IL17REL: variants seen among roughly 807,000 people sequenced by gnomAD.
The protein encoded by IL17REL is interleukin 17 receptor E like.
IL17REL carries 36 observed loss-of-function variants against 49.0 expected under a neutral mutation model. The ratio of observed to expected loss-of-function variants is 0.73; its 90% CI spans 0.56 to 0.97. The LOEUF (loss-of-function observed/expected upper bound fraction) is 0.97, where lower values mean the gene tolerates loss of function less well. Ranked by LOEUF, IL17REL falls within the 50% of genes least tolerant of loss-of-function variation. The pLI is 0.00. For synonymous variants in IL17REL, 206 were observed against 192.4 expected (o/e 1.07, Z -0.58); for missense variants, 470 against 453.9 (o/e 1.04, Z -0.32).
chr22:50,005,484 A>C (rs1243285530), intron 1 of IL17REL, among the ~76,000 whole-genome samples: 1 of 152,090 alleles, frequency 6.6e-6, no homozygotes, highest in Admixed American at 6.6e-5. Flanking sequence ...ACAGAGGAGG[A>C]GGCTGAGGAC....
At chr22:50,003,169 T>C (rs543227258) in intron 1 of IL17REL, among the ~76,000 whole-genome samples, 8 of 151,882 alleles carry the variant, frequency 5.3e-5, no homozygotes, top group Non-Finnish European at 1.0e-4. Flanking sequence ...CTCTGTGGAG[T>C]ATTCATGAAC....
At chr22:50,012,028 C>T (rs1360987101), upstream of IL17REL, among the ~76,000 whole-genome samples, 1 of 152,200 alleles carries the variant, frequency 6.6e-6, no homozygotes, top group Non-Finnish European at 1.5e-5. Flanking sequence ...TCCTGGGATG[C>T]TGGGTACACT....
exon 4 of IL17REL, chr22:50,000,528 G>C: frequency 1.9e-6 from 3 of 1,613,668 alleles, no homozygotes; most frequent in Non-Finnish European, 2.5e-6. Flanking sequence ...ATGAGGGATG[G>C]TCCTCAGGGT....
intron 1 of IL17REL, among the ~76,000 whole-genome samples, chr22:50,006,076 A>C (rs1358249858): frequency 6.6e-6 from 1 of 152,070 alleles, no homozygotes; most frequent in African/African-American, 2.4e-5. Context: ...AACGTTTCCA[A>C]CCCAGTGGGA....
downstream of IL17REL, chr22:49,994,381 C>G (rs1225292502): frequency 6.6e-6 from 1 of 152,450 alleles, no homozygotes; most frequent in East Asian, 1.9e-4. Flanking sequence ...TCCCTGCCCC[C>G]CACATGCCCA....
At chr22:49,996,831 G>A (rs2061037645) in exon 13 of IL17REL, 2 of 543,870 alleles carry the variant, frequency 3.7e-6, no homozygotes, top group Non-Finnish European at 3.3e-6. Context: ...GCTGCTGGGG[G>A]ACGGAGAAGT....
chr22:50,012,172 C>T (rs931540397), upstream of IL17REL, among the ~76,000 whole-genome samples: 5 of 152,244 alleles, frequency 3.3e-5, no homozygotes, highest in Non-Finnish European at 7.3e-5. Context: ...CCGAGTGTTT[C>T]CTTGGCAGGT....
chr22:50,005,014 G>C (rs1436528101), intron 1 of IL17REL, among the ~76,000 whole-genome samples: 1 of 147,972 alleles, frequency 6.8e-6, no homozygotes, highest in Non-Finnish European at 1.5e-5. Context: ...GGAGGAGAAG[G>C]ACTCACGGTG....
At chr22:50,010,051 C>CT (rs557748055), upstream of IL17REL, among the ~76,000 whole-genome samples, 80 of 127,396 alleles carry the variant, frequency 6.3e-4, no homozygotes, top group African/African-American at 2.4e-3. Context: ...GCGCAGGACC[C>CT]CACCCTGCAG....
chr22:50,009,443 C>T (rs193118464), upstream of IL17REL, among the ~76,000 whole-genome samples: 948 of 152,298 alleles, frequency 6.2e-3, 9 homozygotes, highest in African/African-American at 0.022. Flanking sequence ...CCGGCACCAA[C>T]GGCGTGGGAG....
At position 49,997,357 on chromosome 22, in the gene IL17REL, T is replaced by C. The variant is rs751333188; in HGVS notation, c.937A>G (p.Asn313Asp). Reference sequence around the variant, plus strand: ...GAGCGGGCTGGCCTGGAGTGTGCGTTGGCAGGCAGGGAGCTGTGACTTCCT... The same window carrying C: ...GAGCGGGCTGGCCTGGAGTGTGCGTCGGCAGGCAGGGAGCTGTGACTTCCT... The change falls in exon 11 of 13, where the codon AAC becomes GAC. Residue 313 changes from asparagine to aspartate, a missense_variant. By Grantham distance (23) the Asn-to-Asp change is conservative (BLOSUM62 1). Coordinates refer to ENST00000341280, the Ensembl canonical transcript of IL17REL. 2 of 1,613,740 alleles carry C rather than the reference T, an allele frequency of 1.2e-6. No individual in the cohort carries two copies. The highest frequency in any genetic ancestry group is 1.7e-6 in the Non-Finnish European group (2 of 1,179,990).
At chr22:50,006,750 G>A (rs935117821) in intron 1 of IL17REL, among the ~76,000 whole-genome samples, 3 of 151,972 alleles carry the variant, frequency 2.0e-5, no homozygotes, top group Non-Finnish European at 4.4e-5. Context: ...TCAAGAGATC[G>A]AGACCAGCCT....
At chr22:49,997,221 C>T (rs1171670666) in intron 11 of IL17REL, 99 bp downstream of exon 13, 3 of 1,444,096 alleles carry the variant, frequency 2.1e-6, no homozygotes, top group South Asian at 2.4e-5. Flanking sequence ...TGGGTGGGCT[C>T]AGGGCCCGGG....
At chr22:49,993,775 C>T (rs2146732195), downstream of IL17REL, among the ~76,000 whole-genome samples, 1 of 152,318 alleles carries the variant, frequency 6.6e-6, no homozygotes, top group South Asian at 2.1e-4. This position sits in a 1 kb window ranked among gnomAD's most constrained non-coding sequence, Gnocchi z 6.0. Flanking sequence ...TCCTCCCCAG[C>T]CCCACCTCCA....
At chr22:49,993,636 A>C (rs1601882192), downstream of IL17REL, among the ~76,000 whole-genome samples, 1 of 152,270 alleles carries the variant, frequency 6.6e-6, no homozygotes, top group Non-Finnish European at 1.5e-5. The surrounding 1 kb of genome is among the most constrained non-coding windows in gnomAD (Gnocchi z 6.0). Flanking sequence ...ACAGCCTCTT[A>C]ACAGTCCCCA....
intron 1 of IL17REL, among the ~76,000 whole-genome samples, chr22:50,003,519 C>CAAAAAAAAAA (rs142337526): frequency 5.1e-5 from 2 of 39,086 alleles, no homozygotes; most frequent in Non-Finnish European, 4.7e-5. Flanking sequence ...GACTCCATCT[C>CAAAAAAAAAA]AAAAAAAAAA....
intron 10 of IL17REL, 53 bp from the exon 13 acceptor site, chr22:49,997,536 C>T: frequency 7.5e-7 from 1 of 1,332,260 alleles, no homozygotes; most frequent in South Asian, 1.2e-5. Context: ...CCACCGCCTC[C>T]CTTCCTTCCC....
chr22:50,004,088 G>GT (rs201432682), intron 1 of IL17REL, among the ~76,000 whole-genome samples: 3,857 of 151,890 alleles, frequency 0.025, 77 homozygotes, highest in South Asian at 0.093. Context: ...GTTTTTTTGT[G>GT]TTTTTTTTGA....
At chr22:49,999,891 G>C in exon 5 of IL17REL, 7 of 1,542,286 alleles carry the variant, frequency 4.5e-6, no homozygotes, top group South Asian at 1.2e-5. Context: ...GGTAGTAGTC[G>C]GGGCTCCCGG....
Sources: allele counts gnomAD v4.1 joint callset (sites outside exome capture counted in the v4.1 genomes callset), GRCh38; gene constraint gnomAD v4.1.1; non-coding constraint Gnocchi (gnomAD v3.1); transcripts MANE v1.5; gene names NCBI Gene and HGNC (gene_info 2026-07-23, HGNC 2026-07-21).